Variants in UPP2 observed in about 807,000 individuals in gnomAD.
The protein encoded by UPP2 is uridine phosphorylase 2.
A neutral mutation model predicts 26.7 loss-of-function variants in UPP2; 23 were observed. The ratio of observed to expected loss-of-function variants is 0.86; its 90% confidence interval spans 0.62 to 1.22. The LOEUF (loss-of-function observed/expected upper bound fraction) is 1.22. Among genes scored for constraint, UPP2 ranks in the 50% most tolerant of loss-of-function variants. UPP2 has a pLI of 0.00. For synonymous variants in UPP2, 127 were observed against 141.3 expected (o/e 0.90, Z 0.72); for missense variants, 387 against 396.7 (o/e 0.98, Z 0.21).
rs961079949 is a variant in UPP2 at position 158,090,262 on chromosome 2, G to T, written c.148-11778G>T. On this transcript the variant is annotated intron_variant, in intron 3 of 9. Transcript: ENST00000605860. The stretch of plus-strand genomic sequence containing the variant: ...TCACTCCTGTAATCCCAGCACTTTG[G>T]GAGGCCGAGGCGGGCGGATCACGAG... 2.6e-5 allele frequency among the ~76,000 whole-genome samples: 4 copies of T among 152,140 alleles called. No homozygotes were observed. In the East Asian group the frequency reaches 7.7e-4, roughly 29 times the overall value.
upstream of UPP2, among the ~76,000 whole-genome samples, chr2:158,101,050 T>A (rs954171195): frequency 7.9e-5 from 12 of 152,188 alleles, no homozygotes; most frequent in Non-Finnish European, 1.8e-4. Flanking sequence ...TTAGGAGGTG[T>A]CTTGTATTTG....
intron 2 of UPP2, among the ~76,000 whole-genome samples, chr2:158,003,729 A>AAG (rs921761768): frequency 2.6e-5 from 4 of 151,444 alleles, no homozygotes; most frequent in Non-Finnish European, 5.9e-5. Flanking sequence ...AAAAAAAAAA[A>AAG]AGAGAGAAAA....
chr2:158,068,416 G>C (rs975834900), intron 3 of UPP2, among the ~76,000 whole-genome samples: 1 of 151,974 alleles, frequency 6.6e-6, no homozygotes, highest in Non-Finnish European at 1.5e-5. Flanking sequence ...TTATTCCAAC[G>C]ATCTTGATTT....
At chr2:158,093,302 ACAC>A (rs1297318212) in intron 3 of UPP2, among the ~76,000 whole-genome samples, 6 of 151,376 alleles carry the variant, frequency 4.0e-5, no homozygotes, top group African/African-American at 1.5e-4. Context: ...ACACACACAC[ACAC>A]AATTAGAAAA....
At chr2:158,079,373 T>C (rs552463963) in intron 3 of UPP2, among the ~76,000 whole-genome samples, 1 of 152,238 alleles carries the variant, frequency 6.6e-6, no homozygotes, top group Non-Finnish European at 1.5e-5. Flanking sequence ...CTAGATATGC[T>C]TCTTGGATTG....
Position 158,020,870 on chromosome 2 carries a change from G to A in UPP2, c.147+4984G>A, listed in dbSNP as rs576807480. 8.9e-4 allele frequency among the ~76,000 whole-genome samples: 136 copies of A among 152,292 alleles called. 3 individuals carry two copies. In the South Asian group the frequency reaches 0.028, roughly 31 times the overall value. On this transcript the variant is annotated intron_variant, in intron 3 of 9. Transcript: ENST00000605860. ...TTTTCTTTTTCCAATTTTTGATAGA[G>A]ACATAATTACAGGAAAATATTTCTT...
chr2:158,088,876 T>C (rs557885854), intron 3 of UPP2, among the ~76,000 whole-genome samples: 3 of 152,216 alleles, frequency 2.0e-5, no homozygotes, highest in South Asian at 4.1e-4. Context: ...TCTGCTCTGG[T>C]GGAGGTGGCA....
chr2:158,043,958 C>T (rs1444521358), intron 3 of UPP2, among the ~76,000 whole-genome samples: 2 of 152,128 alleles, frequency 1.3e-5, no homozygotes, highest in African/African-American at 4.8e-5. Context: ...TCATTGTGCC[C>T]ACCTCACAGG....
intron 3 of UPP2, among the ~76,000 whole-genome samples, chr2:158,051,479 T>C (rs1037449337): frequency 2.6e-5 from 4 of 151,630 alleles, no homozygotes; most frequent in African/African-American, 9.7e-5. Context: ...TTACTTGGAG[T>C]GAAGATAAAT....
chr2:158,131,330 GA>G (rs1683814605), intron 6 of UPP2, among the ~76,000 whole-genome samples: 1 of 152,132 alleles, frequency 6.6e-6, no homozygotes, highest in Non-Finnish European at 1.5e-5. Flanking sequence ...CTGTTCATGG[GA>G]AAACCTTGTT....
At chr2:158,010,189 C>G (rs932645138) in intron 2 of UPP2, among the ~76,000 whole-genome samples, 1 of 152,038 alleles carries the variant, frequency 6.6e-6, no homozygotes, top group Non-Finnish European at 1.5e-5. Context: ...GAAGAAAACC[C>G]GGAAGAAAGA....
intron 2 of UPP2, among the ~76,000 whole-genome samples, chr2:158,110,568 T>C (rs920701839): frequency 6.6e-6 from 1 of 152,214 alleles, no homozygotes; most frequent in Non-Finnish European, 1.5e-5. Flanking sequence ...GGACTAGTTC[T>C]AGATCCTTGA....
At chr2:158,108,213 ACT>A (rs1369784027) in intron 2 of UPP2, among the ~76,000 whole-genome samples, 1 of 152,120 alleles carries the variant, frequency 6.6e-6, no homozygotes, top group Non-Finnish European at 1.5e-5. Flanking sequence ...TATATATCAG[ACT>A]CTGTGTGGCA....
intron 2 of UPP2, among the ~76,000 whole-genome samples, chr2:158,004,637 G>A (rs1683462114): frequency 6.6e-6 from 1 of 152,214 alleles, no homozygotes; most frequent in Non-Finnish European, 1.5e-5. Context: ...AGTCGGGGGA[G>A]ATGGATAAGA....
intron 2 of UPP2, among the ~76,000 whole-genome samples, chr2:158,009,159 T>C (rs1287536799): frequency 2.0e-5 from 3 of 152,224 alleles, no homozygotes; most frequent in Non-Finnish European, 4.4e-5. Flanking sequence ...AAAGCTTTAA[T>C]GAAATATATT....
chr2:158,045,620 TG>T (rs1684142383), intron 3 of UPP2, among the ~76,000 whole-genome samples: 1 of 152,188 alleles, frequency 6.6e-6, no homozygotes, highest in South Asian at 2.1e-4. Flanking sequence ...ATAAACTTCC[TG>T]ATGTTTTACT....
intron 3 of UPP2, among the ~76,000 whole-genome samples, chr2:158,045,108 AC>A (rs1326800019): frequency 1.3e-5 from 2 of 151,970 alleles, no homozygotes; most frequent in African/African-American, 2.4e-5. Flanking sequence ...AAGCCATGAA[AC>A]CCCCTTGTCC....
chr2:158,072,564 G>A (rs537641229), intron 3 of UPP2, among the ~76,000 whole-genome samples: 48 of 151,780 alleles, frequency 3.2e-4, no homozygotes, highest in South Asian at 8.3e-4. Context: ...ACCCAGCACC[G>A]TCCCAGTGGT....
intron 3 of UPP2, among the ~76,000 whole-genome samples, chr2:158,023,352 A>C (rs1244929095): frequency 1.3e-5 from 2 of 152,150 alleles, no homozygotes; most frequent in African/African-American, 4.8e-5. Flanking sequence ...GTGACACTCC[A>C]TAATAATTAA....
Sources: allele counts gnomAD v4.1 joint callset (sites outside exome capture counted in the v4.1 genomes callset), GRCh38; gene constraint gnomAD v4.1.1; transcripts MANE v1.5; gene names NCBI Gene and HGNC (gene_info 2026-07-23, HGNC 2026-07-21).